The following ZNF804A variants were observed in gnomAD, a reference collection of about 807,000 sequenced individuals.
The protein encoded by ZNF804A is zinc finger protein 804A.
In ZNF804A, 2 loss-of-function variants were observed where a neutral mutation model predicts 16.5. That is an observed-to-expected ratio of 0.12 (90% CI 0.05 to 0.38). ZNF804A has a LOEUF of 0.38. Ranked by LOEUF, ZNF804A falls within the 10% of genes least tolerant of loss-of-function variation. The probability of loss-of-function intolerance (pLI) is 0.99; values close to 1 mark genes in which losing one functional copy is unlikely to be tolerated. For missense variants in ZNF804A, 1,473 were observed against 1,390.7 expected (o/e 1.06, Z -0.94); for synonymous variants, 534 against 489.6 (o/e 1.09, Z -1.20).
intron 1 of ZNF804A, among the ~76,000 whole-genome samples, chr2:184,665,632 T>A (rs1692243713): frequency 1.3e-5 from 2 of 152,208 alleles, no homozygotes; most frequent in South Asian, 4.1e-4. Context: ...GGTATCAGAA[T>A]GGGTCAGCTG....
intron 1 of ZNF804A, among the ~76,000 whole-genome samples, chr2:184,742,626 G>A (rs1693725096): frequency 6.6e-6 from 1 of 151,452 alleles, no homozygotes; most frequent in African/African-American, 2.4e-5. Flanking sequence ...AACTGCCTCA[G>A]AACGTGCTTT....
chr2:184,665,732 C>T (rs1324127592), intron 1 of ZNF804A, among the ~76,000 whole-genome samples: 1 of 152,130 alleles, frequency 6.6e-6, no homozygotes, highest in South Asian at 2.1e-4. Flanking sequence ...GACTGAGATC[C>T]CTATTTTCTT....
intron 1 of ZNF804A, among the ~76,000 whole-genome samples, chr2:184,675,147 T>C (rs1222415809): frequency 6.6e-6 from 1 of 151,858 alleles, no homozygotes; most frequent in Non-Finnish European, 1.5e-5. Context: ...TATATAGATG[T>C]AGATGCATGT....
At chr2:184,711,517 AC>A (rs1228622139) in intron 1 of ZNF804A, among the ~76,000 whole-genome samples, 1 of 151,624 alleles carries the variant, frequency 6.6e-6, no homozygotes, top group Non-Finnish European at 1.5e-5. Flanking sequence ...TAGATGGAGT[AC>A]TACTTGTCTA....
chr2:184,745,271 C>T (rs563251637), intron 1 of ZNF804A, among the ~76,000 whole-genome samples: 35 of 151,618 alleles, frequency 2.3e-4, no homozygotes, highest in African/African-American at 7.2e-4. Flanking sequence ...TTAGTGTTCC[C>T]GGTTTTACAA....
rs371996835 is a variant in ZNF804A at position 184,727,349 on chromosome 2, G to A, written c.111+128279G>A. Among the ~76,000 whole-genome samples, 922 of 151,638 alleles carry A rather than the reference G, an allele frequency of 6.1e-3. 13 individuals carry two copies. Among genetic ancestry groups the A allele is most frequent in the African/African-American group, 0.021 (876 of 41,504 alleles). ...GTCTGAGTACTAAAATTTAATCAAAGCAATTAAAGTCAAAGGTGTTAATAT... is the reference window on the plus strand; with the variant it reads ...GTCTGAGTACTAAAATTTAATCAAAACAATTAAAGTCAAAGGTGTTAATAT... On this transcript the variant is annotated intron_variant, in intron 1 of 3. Coordinates refer to ENST00000302277, the MANE Select transcript of ZNF804A (RefSeq NM_194250.2).
In ZNF804A at chr2:184,803,452, C is replaced by G. The variant is rs545046160; in HGVS notation, c.112-62917C>G. ...TTTTTATTGTCTTTCTTTTTCCTCTCTATTTGAACTACATGAGCAAAGGGT... is the reference window on the plus strand; with the variant it reads ...TTTTTATTGTCTTTCTTTTTCCTCTGTATTTGAACTACATGAGCAAAGGGT... On this transcript the variant is annotated intron_variant, in intron 1 of 3. Coordinates refer to ENST00000302277, the MANE Select transcript of ZNF804A (RefSeq NM_194250.2). Among the ~76,000 whole-genome samples the G allele has an allele frequency of 4.6e-5, 7 of 152,026 alleles. No homozygotes were observed. The South Asian group carries it at 1.5e-3, about 32-fold the overall frequency.
chr2:184,663,632 A>G (rs891393689), intron 1 of ZNF804A, among the ~76,000 whole-genome samples: 1 of 152,116 alleles, frequency 6.6e-6, no homozygotes, highest in African/African-American at 2.4e-5. Flanking sequence ...CCAGGCTGTC[A>G]GTTCTGGGTT....
At chr2:184,625,617 A>G (rs1691482401) in intron 1 of ZNF804A, among the ~76,000 whole-genome samples, 1 of 152,154 alleles carries the variant, frequency 6.6e-6, no homozygotes, top group Non-Finnish European at 1.5e-5. Flanking sequence ...TATTTTCATA[A>G]ATCTTGTTTG....
intron 1 of ZNF804A, among the ~76,000 whole-genome samples, chr2:184,689,226 C>T (rs899512840): frequency 1.3e-5 from 2 of 152,076 alleles, no homozygotes; most frequent in African/African-American, 2.4e-5. Flanking sequence ...ATTGATCTCA[C>T]CTAAAAATAT....
At chr2:184,889,469 G>A (rs916905481) in intron 2 of ZNF804A, among the ~76,000 whole-genome samples, 9 of 151,616 alleles carry the variant, frequency 5.9e-5, no homozygotes, top group Non-Finnish European at 1.2e-4. Flanking sequence ...TCATTTGATT[G>A]GAAATTTAAT....
chr2:184,805,856 C>T (rs1409700570), intron 1 of ZNF804A, among the ~76,000 whole-genome samples: 1 of 151,758 alleles, frequency 6.6e-6, no homozygotes, highest in Non-Finnish European at 1.5e-5. Context: ...CTGAGACATC[C>T]AGGAAGTAAG....
chr2:184,856,721 A>G (rs1367441926), intron 1 of ZNF804A, among the ~76,000 whole-genome samples: 1 of 152,104 alleles, frequency 6.6e-6, no homozygotes, highest in Non-Finnish European at 1.5e-5. Context: ...CATATAATTG[A>G]AAATATTATA....
At chr2:184,709,728 T>A (rs559098170) in intron 1 of ZNF804A, among the ~76,000 whole-genome samples, 1 of 151,212 alleles carries the variant, frequency 6.6e-6, no homozygotes, top group South Asian at 2.1e-4. Flanking sequence ...TATACTTTTT[T>A]AAAAAACATT....
At chr2:184,846,204 A>G (rs1695513055) in intron 1 of ZNF804A, among the ~76,000 whole-genome samples, 1 of 152,126 alleles carries the variant, frequency 6.6e-6, no homozygotes. Context: ...TCATGTGTTT[A>G]AAATAAGCCA....
intron 1 of ZNF804A, among the ~76,000 whole-genome samples, chr2:184,861,814 A>C (rs755696589): frequency 7.9e-5 from 12 of 152,160 alleles, no homozygotes; most frequent in Admixed American, 1.3e-4. Flanking sequence ...GTGTGGATAA[A>C]CCATTATCTT....
intron 1 of ZNF804A, among the ~76,000 whole-genome samples, chr2:184,857,026 G>C (rs965694132): frequency 1.3e-5 from 2 of 151,856 alleles, no homozygotes; most frequent in African/African-American, 4.8e-5. Flanking sequence ...CTTTGAGCTT[G>C]ATCTTCTTTT....
At chr2:184,737,810 C>A (rs1693651713) in intron 1 of ZNF804A, among the ~76,000 whole-genome samples, 1 of 151,952 alleles carries the variant, frequency 6.6e-6, no homozygotes, top group Non-Finnish European at 1.5e-5. Flanking sequence ...ACCTATATTT[C>A]TCAAAAGAAA....
At chr2:184,879,139 TTG>T (rs762971477) in intron 2 of ZNF804A, among the ~76,000 whole-genome samples, 3 of 149,218 alleles carry the variant, frequency 2.0e-5, no homozygotes, top group Non-Finnish European at 2.9e-5. Flanking sequence ...TTTGTGTGTG[TTG>T]TGTGTGTGAG....
Sources: gnomAD v4.1 joint callset for allele counts (sites outside exome capture counted in the v4.1 genomes callset) on GRCh38, gnomAD v4.1.1 for gene constraint, MANE v1.5 for transcripts, NCBI Gene and HGNC (gene_info 2026-07-23, HGNC 2026-07-21) for gene names.